Variants in MAPRE1 observed in about 807,000 individuals in gnomAD.
MAPRE1 encodes microtubule-associated protein RP/EB family member 1.
In MAPRE1, 5 loss-of-function variants were observed where a neutral mutation model predicts 32.1. The ratio of observed to expected loss-of-function variants is 0.16; its 90% CI spans 0.08 to 0.33. The LOEUF (loss-of-function observed/expected upper bound fraction) is 0.33, where lower values mean the gene tolerates loss of function less well. Ranked by LOEUF, MAPRE1 falls within the 10% of genes least tolerant of loss-of-function variation. MAPRE1 has a pLI of 1.00. For missense variants in MAPRE1, 209 were observed against 327.2 expected (o/e 0.64, Z 2.79); for synonymous variants, 122 against 118.9 (o/e 1.03, Z -0.17).
intron 1 of MAPRE1, among the ~76,000 whole-genome samples, chr20:32,823,870 CAG>C (rs1391834893): frequency 6.6e-6 from 1 of 152,180 alleles, no homozygotes; most frequent in African/African-American, 2.4e-5. Context: ...GCCTGGGTGA[CAG>C]AGTGACACCC....
chr20:32,831,890 TATAGTTGCTGA>T (rs1417260438), intron 2 of MAPRE1, among the ~76,000 whole-genome samples: 1 of 149,768 alleles, frequency 6.7e-6, no homozygotes, highest in African/African-American at 2.5e-5. Context: ...CCACTGTGGA[TATAGTTGCTGA>T]ATAGATTGTC....
At chr20:32,831,063 G>A (rs1158764837) in intron 2 of MAPRE1, among the ~76,000 whole-genome samples, 1 of 151,818 alleles carries the variant, frequency 6.6e-6, no homozygotes, top group East Asian at 1.9e-4. Context: ...GCACCTCCTT[G>A]ATTTTTCCCT....
chr20:32,839,662 T>G, intron 4 of MAPRE1, 73 bp from the exon 5 acceptor site: 1 of 1,583,254 alleles, frequency 6.3e-7, no homozygotes, highest in Non-Finnish European at 8.6e-7. Flanking sequence ...AGCTTCTCCA[T>G]GTTGTCTTGT....
chr20:32,836,728 G>T lies in MAPRE1; in HGVS notation c.362G>T (p.Gly121Val). ...FKKFFDANYD[G>V]KDYDPVAARQ... ...AAGTTTTTCGATGCAAACTATGATG[G>T]AAAAGACTATGACCCTGTGGCTGCC... is the stretch of plus-strand genomic sequence containing the variant. Residue 121 changes from glycine (G) to valine (V), a missense_variant, in exon 4 of 7, where the codon GGA (glycine) becomes GTA (valine). Coordinates refer to ENST00000375571, the MANE Select transcript of MAPRE1 (RefSeq NM_012325.3). The T allele has an allele frequency of 6.2e-7, 1 of 1,613,920 alleles. No homozygotes were observed. The highest frequency in any genetic ancestry group is 8.5e-7 in the Non-Finnish European group (1 of 1,179,810).
chr20:32,831,930 A>G (rs1454945019), intron 2 of MAPRE1, among the ~76,000 whole-genome samples: 1 of 147,486 alleles, frequency 6.8e-6, no homozygotes, highest in African/African-American at 2.6e-5. Flanking sequence ...GGGTTTTTAA[A>G]AAAAGTTCGT....
intron 6 of MAPRE1, among the ~76,000 whole-genome samples, chr20:32,847,138 A>T (rs1385488356): frequency 6.6e-6 from 1 of 152,224 alleles, no homozygotes; most frequent in Non-Finnish European, 1.5e-5. Flanking sequence ...GGCCCGGGGC[A>T]TGCCCGGAAA....
rs565213906 is a variant in MAPRE1 at position 32,846,239 on chromosome 20, C to T, written c.598-379C>T. 8.5e-5 allele frequency among the ~76,000 whole-genome samples: 13 copies of T among 152,264 alleles called. No homozygotes were observed. In the East Asian group the frequency reaches 2.5e-3, roughly 29 times the overall value. ...CTTTCCAGGGTCCTTTCTATTGACC[C>T]CCTCATGCAATCAGACCTGGACTTG... On this transcript the variant is annotated intron_variant, in intron 5 of 6. Coordinates refer to ENST00000375571, the MANE Select transcript of MAPRE1 (RefSeq NM_012325.3).
At chr20:32,841,467 A>G (rs1262909791) in intron 5 of MAPRE1, among the ~76,000 whole-genome samples, 2 of 146,688 alleles carry the variant, frequency 1.4e-5, no homozygotes, top group Non-Finnish European at 3.0e-5. Flanking sequence ...TTTTTTTTTA[A>G]TTATTATTAT....
chr20:32,827,984 G>A (rs1982912613), intron 2 of MAPRE1, among the ~76,000 whole-genome samples: 1 of 148,838 alleles, frequency 6.7e-6, no homozygotes, highest in African/African-American at 2.5e-5. Flanking sequence ...TTTTATAGCT[G>A]GGTCCTAGTC....
At chr20:32,834,713 TTAAA>T (rs1179409266) in intron 3 of MAPRE1, among the ~76,000 whole-genome samples, 3 of 152,198 alleles carry the variant, frequency 2.0e-5, no homozygotes, top group Non-Finnish European at 4.4e-5. Context: ...CAGGCATAGT[TTAAA>T]TAGAGTTCAT....
At chr20:32,834,262 C>G (rs1183394588) in intron 3 of MAPRE1, among the ~76,000 whole-genome samples, 2 of 152,110 alleles carry the variant, frequency 1.3e-5, no homozygotes, top group East Asian at 1.9e-4. Context: ...GGCTCACACC[C>G]GTAATCCCAG....
intron 1 of MAPRE1, among the ~76,000 whole-genome samples, chr20:32,822,343 GTTCA>G (rs1330922161): frequency 6.6e-6 from 1 of 152,120 alleles, no homozygotes; most frequent in Non-Finnish European, 1.5e-5. Flanking sequence ...ACAGTATTTT[GTTCA>G]TTCAAGGATT....
intron 5 of MAPRE1, among the ~76,000 whole-genome samples, chr20:32,840,431 G>A (rs1221644440): frequency 6.6e-6 from 1 of 152,038 alleles, no homozygotes; most frequent in African/African-American, 2.4e-5. Context: ...TGGTTGGTTT[G>A]CTTGCTTTCA....
At chr20:32,824,771 A>G (rs572008471) in intron 1 of MAPRE1, among the ~76,000 whole-genome samples, 1 of 149,696 alleles carries the variant, frequency 6.7e-6, no homozygotes, top group South Asian at 2.2e-4. Flanking sequence ...AAGTGCTGGT[A>G]TTACAGGCAT....
chr20:32,837,365 T>G (rs1983230236), intron 4 of MAPRE1, among the ~76,000 whole-genome samples: 1 of 152,112 alleles, frequency 6.6e-6, no homozygotes, highest in African/African-American at 2.4e-5. Flanking sequence ...CCCTAGAACT[T>G]TAGCTGCTAG....
chr20:32,844,929 G>C (rs1983462855), intron 5 of MAPRE1, among the ~76,000 whole-genome samples: 1 of 152,202 alleles, frequency 6.6e-6, no homozygotes, highest in Non-Finnish European at 1.5e-5. Flanking sequence ...AAAAGCAGAG[G>C]TGGGGACAGT....
chr20:32,828,954 T>A (rs1188422026), intron 2 of MAPRE1, among the ~76,000 whole-genome samples: 1 of 152,140 alleles, frequency 6.6e-6, no homozygotes, highest in African/African-American at 2.4e-5. Flanking sequence ...TTTTTTCTTT[T>A]TGAGACTGGA....
upstream of MAPRE1, chr20:32,819,918 G>T (rs1053636355): frequency 1.3e-5 from 2 of 151,656 alleles, no homozygotes; most frequent in African/African-American, 2.4e-5. Flanking sequence ...TAACGAGGGG[G>T]TGCGTGTGAG....
At chr20:32,823,811 C>G (rs1164682483) in intron 1 of MAPRE1, among the ~76,000 whole-genome samples, 10 of 152,136 alleles carry the variant, frequency 6.6e-5, no homozygotes, top group Admixed American at 5.9e-4. Context: ...ATGGCTTGAG[C>G]CTGGGAAGTC....
Sources: gnomAD v4.1 joint callset for allele counts (sites outside exome capture counted in the v4.1 genomes callset) on GRCh38, gnomAD v4.1.1 for gene constraint, MANE v1.5 for transcripts, NCBI Gene and HGNC (gene_info 2026-07-23, HGNC 2026-07-21) for gene names.